The following LAMA2 variants were observed in gnomAD, a reference collection of about 807,000 sequenced individuals.
LAMA2 encodes laminin subunit alpha-2.
A neutral mutation model predicts 364.8 loss-of-function variants in LAMA2; 269 were observed. The ratio of observed to expected loss-of-function variants is 0.74; its 90% CI spans 0.67 to 0.82. The LOEUF (loss-of-function observed/expected upper bound fraction) is 0.82, where lower values mean the gene tolerates loss of function less well. LAMA2 is among the 40% of genes least tolerant of loss of function. The pLI, the probability that LAMA2 is intolerant of heterozygous loss-of-function variation, is 0.00. For missense variants in LAMA2, 3,807 were observed against 3,873.2 expected (o/e 0.98, Z 0.45); for synonymous variants, 1,379 against 1,370.6 (o/e 1.01, Z -0.14).
chr6:129,334,532 CCAAT>C (rs1477716296), intron 29 of LAMA2, among the ~76,000 whole-genome samples: 1 of 152,042 alleles, frequency 6.6e-6, no homozygotes, highest in Non-Finnish European at 1.5e-5. Context: ...AGTCGAAGAA[CCAAT>C]CAGTTGATAA....
intron 7 of LAMA2, among the ~76,000 whole-genome samples, chr6:129,152,648 A>G (rs1370758737): frequency 6.6e-6 from 1 of 152,142 alleles, no homozygotes; most frequent in Non-Finnish European, 1.5e-5. Context: ...CTAGGACTCG[A>G]GTTTTTGCCT....
At chr6:128,981,314 G>A (rs575000999) in intron 1 of LAMA2, among the ~76,000 whole-genome samples, 1 of 152,096 alleles carries the variant, frequency 6.6e-6, no homozygotes, top group African/African-American at 2.4e-5. Context: ...GTCTTTGGTC[G>A]GCTTCTGTCA....
chr6:129,029,535 A>G (rs1786079003), intron 1 of LAMA2, among the ~76,000 whole-genome samples: 1 of 152,012 alleles, frequency 6.6e-6, no homozygotes, highest in African/African-American at 2.4e-5. Context: ...TTAAATGTCT[A>G]GAAATATTTA....
chr6:129,005,260 CT>C (rs1784375648), intron 1 of LAMA2, among the ~76,000 whole-genome samples: 1 of 151,928 alleles, frequency 6.6e-6, no homozygotes, highest in Non-Finnish European at 1.5e-5. Flanking sequence ...CCCACCCTTC[CT>C]TTTCTTCCCT....
chr6:129,441,140 T>G (rs1397459540), intron 43 of LAMA2, 142 bp downstream of exon 43: 4 of 770,742 alleles, frequency 5.2e-6, no homozygotes, highest in Non-Finnish European at 6.7e-6. Context: ...GCCTCAGAAA[T>G]TGAGTGTCAT....
intron 1 of LAMA2, among the ~76,000 whole-genome samples, chr6:128,998,028 A>G (rs1016961951): frequency 6.6e-6 from 1 of 152,106 alleles, no homozygotes; most frequent in Admixed American, 6.6e-5. Context: ...ACAGAGTCCA[A>G]GAGTCAGAGA....
intron 12 of LAMA2, among the ~76,000 whole-genome samples, chr6:129,203,941 C>G (rs1344778640): frequency 6.6e-6 from 1 of 152,128 alleles, no homozygotes; most frequent in Non-Finnish European, 1.5e-5. Flanking sequence ...CCGATAAATG[C>G]CAATTGCTTT....
Position 129,299,576 on chromosome 6 carries a change from C to A in LAMA2, c.3038-1160C>A, listed in dbSNP as rs565704554. On this transcript the variant is annotated intron_variant, in intron 21 of 64. Coordinates refer to ENST00000421865, the MANE Select transcript of LAMA2 (RefSeq NM_000426.4). Reference sequence around the variant, plus strand: ...TTCTATTTGCAAGTAATGATTTGCACTGTCCCATGACATTTTTTAGCATAT... The same window carrying A: ...TTCTATTTGCAAGTAATGATTTGCAATGTCCCATGACATTTTTTAGCATAT... Among the ~76,000 whole-genome samples the A allele has an allele frequency of 2.6e-3, 395 of 152,294 alleles. 1 individual carries two copies. The highest frequency in any genetic ancestry group is 9.2e-3 in the African/African-American group (383 of 41,574).
intron 12 of LAMA2, among the ~76,000 whole-genome samples, chr6:129,246,586 A>T (rs1179146675): frequency 1.3e-5 from 2 of 152,228 alleles, no homozygotes; most frequent in Admixed American, 6.5e-5. Context: ...TCCCAGAGCC[A>T]CTGGGGAATC....
At chr6:129,012,786 C>T (rs1454599577) in intron 1 of LAMA2, among the ~76,000 whole-genome samples, 2 of 152,158 alleles carry the variant, frequency 1.3e-5, no homozygotes, top group Admixed American at 6.5e-5. Flanking sequence ...GTGCTTGGCC[C>T]TCACTAATTA....
chr6:129,408,551 A>C (rs1420643227), intron 40 of LAMA2, among the ~76,000 whole-genome samples: 2 of 152,190 alleles, frequency 1.3e-5, no homozygotes, highest in Admixed American at 1.3e-4. Context: ...GGGCAAATCC[A>C]TATCCAGAAT....
intron 51 of LAMA2, among the ~76,000 whole-genome samples, chr6:129,470,832 G>A (rs747088325): frequency 5.3e-5 from 8 of 151,728 alleles, no homozygotes; most frequent in Non-Finnish European, 1.0e-4. Context: ...TCAACTAGTT[G>A]GCAAGAGCAC....
intron 3 of LAMA2, among the ~76,000 whole-genome samples, chr6:129,068,904 GA>G (rs1562209628): frequency 6.6e-6 from 1 of 151,890 alleles, no homozygotes; most frequent in African/African-American, 2.4e-5. Flanking sequence ...AAAAGAAAGG[GA>G]AAAAAGGCCA....
At chr6:129,027,259 A>G (rs1785887684) in intron 1 of LAMA2, among the ~76,000 whole-genome samples, 1 of 152,042 alleles carries the variant, frequency 6.6e-6, no homozygotes, top group African/African-American at 2.4e-5. Flanking sequence ...CTTATACATA[A>G]CAAGCACTTC....
chr6:129,024,479 G>A (rs1785671287), intron 1 of LAMA2, among the ~76,000 whole-genome samples: 1 of 150,020 alleles, frequency 6.7e-6, no homozygotes, highest in South Asian at 2.1e-4. Flanking sequence ...TGCCTCCCAG[G>A]TTAAAACAAT....
At chr6:129,290,289 C>T (rs556030960) in intron 19 of LAMA2, among the ~76,000 whole-genome samples, 10 of 152,080 alleles carry the variant, frequency 6.6e-5, no homozygotes, top group African/African-American at 1.9e-4. Flanking sequence ...TATACAAATT[C>T]GATAAATCAG....
At chr6:129,085,612 A>G (rs1774337853) in intron 3 of LAMA2, among the ~76,000 whole-genome samples, 1 of 152,168 alleles carries the variant, frequency 6.6e-6, no homozygotes, top group Non-Finnish European at 1.5e-5. Flanking sequence ...GAGCAGCCAA[A>G]CTTGCTAACA....
rs749605696 is a variant in LAMA2 at position 129,486,600 on chromosome 6, G to A, written c.7876G>A (p.Val2626Ile). 1.4e-5 allele frequency: 22 copies of A among 1,613,770 alleles called. No individual in the cohort carries two copies. Among genetic ancestry groups the A allele is most frequent in the Admixed American group, 8.3e-5 (5 of 60,014 alleles). The change falls in exon 56 of 65, where the codon GTT (valine) becomes ATT (isoleucine). Residue 2626 changes from valine (V) to isoleucine (I), a missense_variant. Physicochemically the swap from Val to Ile is conservative, Grantham distance 29. Coordinates refer to ENST00000421865, the MANE Select transcript of LAMA2 (RefSeq NM_000426.4). ...NLFHDGREHS[V>I]HVERTRGIFT... ...GTTTCATGATGGAAGAGAACATTCC[G>A]TTCATGTAGAGCGAACTAGAGGGTA...
At chr6:129,304,186 T>A (rs901819950) in intron 22 of LAMA2, among the ~76,000 whole-genome samples, 1 of 152,206 alleles carries the variant, frequency 6.6e-6, no homozygotes, top group Admixed American at 6.5e-5. Context: ...CTAATAAATG[T>A]GATAACTTGC....
Sources: allele counts gnomAD v4.1 joint callset (sites outside exome capture counted in the v4.1 genomes callset), GRCh38; gene constraint gnomAD v4.1.1; transcripts MANE v1.5; gene names NCBI Gene and HGNC (gene_info 2026-07-23, HGNC 2026-07-21).